Variants in LTBP1 observed in about 807,000 individuals in gnomAD.
LTBP1 encodes latent-transforming growth factor beta-binding protein 1.
A neutral mutation model predicts 207.6 loss-of-function variants in LTBP1; 129 were observed. The ratio of observed to expected loss-of-function variants is 0.62; its 90% CI spans 0.54 to 0.72. The LOEUF is 0.72. Among genes scored for constraint, LTBP1 ranks in the 30% least tolerant of loss-of-function variants. The pLI is 0.00. For missense variants in LTBP1, 2,281 were observed against 2,217.2 expected, an observed-to-expected ratio of 1.03 and a Z score of -0.58; for synonymous variants, 963 against 833.7, an observed-to-expected ratio of 1.16 and a Z score of -2.67.
intron 3 of LTBP1, among the ~76,000 whole-genome samples, chr2:33,061,787 G>A (rs1266223156): frequency 6.6e-6 from 1 of 152,140 alleles, no homozygotes; most frequent in African/African-American, 2.4e-5. Context: ...GAGTTTTCCT[G>A]TGGACATATG....
chr2:33,009,884 G>A (rs1488548462), intron 2 of LTBP1, among the ~76,000 whole-genome samples: 1 of 152,188 alleles, frequency 6.6e-6, no homozygotes. Flanking sequence ...GCATCGATGA[G>A]ACCGTTGGAT....
chr2:33,041,387 C>A (rs189156620), intron 3 of LTBP1, among the ~76,000 whole-genome samples: 37 of 152,234 alleles, frequency 2.4e-4, no homozygotes, highest in Middle Eastern at 3.4e-3. Context: ...TGGGTTCAAG[C>A]GATTCTTCTG....
chr2:33,285,780 T>C (rs2093655047), intron 19 of LTBP1: 1 of 151,924 alleles, frequency 6.6e-6, no homozygotes, highest in Non-Finnish European at 1.5e-5. Flanking sequence ...GTAAATAATT[T>C]TGTGGTTCCT....
At chr2:33,392,833 T>C (rs1422636619) in intron 32 of LTBP1, among the ~76,000 whole-genome samples, 3 of 152,150 alleles carry the variant, frequency 2.0e-5, no homozygotes, top group Non-Finnish European at 4.4e-5. Context: ...AGATTAAGTC[T>C]TTATTTTGTG....
At chr2:32,985,448 T>C (rs1199443621) in intron 2 of LTBP1, among the ~76,000 whole-genome samples, 1 of 152,200 alleles carries the variant, frequency 6.6e-6, no homozygotes, top group Non-Finnish European at 1.5e-5. Context: ...GACAGCACTC[T>C]TCTGTCTCCT....
At chr2:33,223,504 A>G (rs144132684) in intron 9 of LTBP1, among the ~76,000 whole-genome samples, 74 of 152,356 alleles carry the variant, frequency 4.9e-4, no homozygotes, top group African/African-American at 1.6e-3. Flanking sequence ...ATTAATCTAC[A>G]TTATTTTAGA....
chr2:32,996,384 C>G (rs1184811033), intron 2 of LTBP1, among the ~76,000 whole-genome samples: 1 of 152,164 alleles, frequency 6.6e-6, no homozygotes, highest in Non-Finnish European at 1.5e-5. Context: ...TAATCACCCT[C>G]CAAAGGCCCC....
In LTBP1 at chr2:33,274,994, C is replaced by G; in HGVS notation, c.2773C>G (p.Leu925Val). The G allele has an allele frequency of 1.2e-6, 2 of 1,614,002 alleles. No homozygotes were observed. Among genetic ancestry groups the G allele is most frequent in the South Asian group, 2.2e-5 (2 of 91,070 alleles). Residue 925 changes from leucine (L) to valine (V), a missense_variant, in exon 17 of 34, where the codon CTC (leucine) becomes GTC (valine). Physicochemically the swap from Leu to Val is conservative, Grantham distance 32. Around this residue, in one of 3 missense-constraint regions of LTBP1, gnomAD observed 1,671 missense variants for 1,634.8 expected, o/e 1.02. Transcript: ENST00000404816. ...TGATGAGTGTACTCAGGTCCAACAC[C>G]TCTGCTCCCAGGGCCGCTGTGAAAA... ...DIDECTQVQHLCSQGRCENTE... is the reference protein window; with the variant it reads ...DIDECTQVQHVCSQGRCENTE...
At chr2:33,114,621 C>G (rs565459174) in intron 4 of LTBP1, among the ~76,000 whole-genome samples, 35 of 152,234 alleles carry the variant, frequency 2.3e-4, no homozygotes, top group African/African-American at 8.2e-4. Context: ...TTTGAAGGCA[C>G]CCAGAAAAGC....
chr2:33,264,951 T>G lies in LTBP1; in HGVS notation c.2617+1559T>G, dbSNP rs539986491. On this transcript the variant is annotated intron_variant, in intron 15 of 33. Transcript: ENST00000404816. ...CTGAGAAGCAGGGGAGTTGATAGCATAAGTTCCAGTCTGAGTCTGAGTCTG... is the reference window on the plus strand; with the variant it reads ...CTGAGAAGCAGGGGAGTTGATAGCAGAAGTTCCAGTCTGAGTCTGAGTCTG... Among the ~76,000 whole-genome samples, 3 of 148,848 alleles carry G rather than the reference T, an allele frequency of 2.0e-5. No homozygotes were observed. In the East Asian group the frequency reaches 5.8e-4, roughly 29 times the overall value.
intron 5 of LTBP1, among the ~76,000 whole-genome samples, chr2:33,186,035 G>C (rs1017431174): frequency 2.6e-5 from 4 of 152,182 alleles, no homozygotes; most frequent in African/African-American, 9.7e-5. Flanking sequence ...TCTTTGCCCA[G>C]TCTGTCCTGT....
At chr2:33,222,184 A>C in intron 9 of LTBP1, 33 bp downstream of exon 9, 88 of 1,517,340 alleles carry the variant, frequency 5.8e-5, no homozygotes, top group Non-Finnish European at 7.3e-5. Context: ...ATGTGGACTC[A>C]ACAGTTGTTT....
chr2:33,153,816 C>T (rs531851565), intron 5 of LTBP1, among the ~76,000 whole-genome samples: 1 of 152,314 alleles, frequency 6.6e-6, no homozygotes, highest in South Asian at 2.1e-4. Flanking sequence ...CTTTAGCAGT[C>T]AAAATACAGC....
intron 6 of LTBP1, among the ~76,000 whole-genome samples, chr2:33,188,274 A>G (rs1319509058): frequency 1.3e-5 from 2 of 151,940 alleles, no homozygotes; most frequent in African/African-American, 4.8e-5. Flanking sequence ...TACAAAAATT[A>G]GCCAGGCATG....
intron 20 of LTBP1, 24 bp from the exon 21 acceptor site, chr2:33,300,427 A>G: frequency 6.2e-7 from 1 of 1,609,358 alleles, no homozygotes; most frequent in Non-Finnish European, 8.5e-7. Flanking sequence ...TTTTTCAGAA[A>G]AATTGCCGTT....
At chr2:33,378,778 A>G (rs963950996) in intron 31 of LTBP1, among the ~76,000 whole-genome samples, 2 of 152,224 alleles carry the variant, frequency 1.3e-5, no homozygotes, top group Non-Finnish European at 2.9e-5. Context: ...CTGACTGCCC[A>G]TGTCTGTTAA....
At chr2:33,231,609 G>T (rs1241800611) in intron 9 of LTBP1, among the ~76,000 whole-genome samples, 3 of 152,136 alleles carry the variant, frequency 2.0e-5, no homozygotes, top group African/African-American at 7.2e-5. Flanking sequence ...GGTAAAGGCA[G>T]ATTGGTCTTT....
At chr2:33,251,664 CAAAAAAAAAAA>C (rs537403994) in intron 10 of LTBP1, among the ~76,000 whole-genome samples, 3,420 of 66,034 alleles carry the variant, frequency 0.052, 75 homozygotes, top group Non-Finnish European at 0.07. Context: ...GACTCAGTCT[CAAAAAAAAAAA>C]AAAAAAAAAA....
intron 2 of LTBP1, among the ~76,000 whole-genome samples, chr2:32,992,213 C>T (rs796303274): frequency 2.5e-4 from 38 of 152,192 alleles, no homozygotes; most frequent in African/African-American, 8.4e-4. Context: ...TATGCTGCCA[C>T]GTGAAATGCA....
Sources: gnomAD v4.1 joint callset for allele counts (sites outside exome capture counted in the v4.1 genomes callset) on GRCh38, gnomAD v4.1.1 for gene constraint, gnomAD v4.1.1 regional missense constraint, MANE v1.5 for transcripts, NCBI Gene and HGNC (gene_info 2026-07-23, HGNC 2026-07-21) for gene names.